TMEM45A: variants seen among roughly 807,000 people sequenced by gnomAD.
TMEM45A encodes the protein transmembrane protein 45A, also known as DNA polymerase-transactivated protein 4.
In TMEM45A, 25 loss-of-function variants were observed where a neutral mutation model predicts 32.0. That is an observed-to-expected ratio of 0.78 (90% CI 0.57 to 1.09). TMEM45A has a LOEUF of 1.09. Among genes scored for constraint, TMEM45A ranks in the 50% least tolerant of loss-of-function variants. The probability of loss-of-function intolerance (pLI) is 0.00; values close to 1 mark genes in which losing one functional copy is unlikely to be tolerated. For missense variants in TMEM45A, 302 were observed against 325.0 expected, an observed-to-expected ratio of 0.93 and a Z score of 0.54; for synonymous variants, 122 against 114.8, an observed-to-expected ratio of 1.06 and a Z score of -0.40.
chr3:100,551,961 A>G (rs1430839723), intron 1 of TMEM45A, among the ~76,000 whole-genome samples: 1 of 151,982 alleles, frequency 6.6e-6, no homozygotes, highest in East Asian at 1.9e-4. Flanking sequence ...GCTGAGATAT[A>G]CTGATCCTCT....
chr3:100,551,099 C>T (rs1243514048), intron 1 of TMEM45A, among the ~76,000 whole-genome samples: 1 of 150,740 alleles, frequency 6.6e-6, no homozygotes, highest in East Asian at 2.0e-4. Context: ...CTGCAAGCTC[C>T]GCCTCCCGGG....
At position 100,570,635 on chromosome 3, in the gene TMEM45A, G is replaced by A. The variant is rs1706538747; in HGVS notation, c.734+1668G>A. On this transcript the variant is annotated intron_variant, in intron 5 of 5. Transcript: ENST00000323523. ...CTGACTTCTGGGCCTCATCTCCTTA[G>A]GGGCTGGAAAGCCTTCAAGATCAGT... The A allele has an allele frequency of 2.0e-5, 3 of 152,224 alleles. No individual in the cohort carries two copies. The South Asian group carries it at 6.2e-4, about 32-fold the overall frequency. The allele number at this position is 152,224 out of a possible 1,614,324, so 9.4% of individuals were successfully genotyped here.
At chr3:100,550,741 A>C (rs1265574890) in intron 1 of TMEM45A, among the ~76,000 whole-genome samples, 1 of 152,148 alleles carries the variant, frequency 6.6e-6, no homozygotes, top group Non-Finnish European at 1.5e-5. Context: ...GGCTCTGCCC[A>C]ATATTATCTC....
At chr3:100,542,393 T>C (rs1223776136) in intron 1 of TMEM45A, among the ~76,000 whole-genome samples, 1 of 152,176 alleles carries the variant, frequency 6.6e-6, no homozygotes, top group Admixed American at 6.5e-5. Context: ...GATGTTGGCT[T>C]TGGGAAAGGA....
intron 4 of TMEM45A, among the ~76,000 whole-genome samples, chr3:100,566,085 A>T (rs559552062): frequency 1.1e-4 from 16 of 152,236 alleles, no homozygotes; most frequent in Non-Finnish European, 2.4e-4. Context: ...AGTTTCATCC[A>T]TGTTGTTGCA....
intron 3 of TMEM45A, among the ~76,000 whole-genome samples, chr3:100,557,325 C>T (rs1272446297): frequency 6.6e-6 from 1 of 152,060 alleles, no homozygotes; most frequent in East Asian, 1.9e-4. Flanking sequence ...AGCATGAATA[C>T]ACTAAAATGA....
intron 1 of TMEM45A, among the ~76,000 whole-genome samples, chr3:100,550,216 A>T (rs1326066211): frequency 1.9e-5 from 1 of 53,720 alleles, no homozygotes; most frequent in African/African-American, 6.4e-5. Context: ...AAGAAAAAAA[A>T]ATAAATCCTT....
intron 5 of TMEM45A, chr3:100,573,144 A>C (rs1706606101): frequency 6.6e-6 from 1 of 151,788 alleles, no homozygotes; most frequent in Non-Finnish European, 1.5e-5. Context: ...GAAGAAAGTC[A>C]TTGGTAGCTT....
At chr3:100,514,162 T>C (rs973285640) in intron 1 of TMEM45A, among the ~76,000 whole-genome samples, 2,891 of 152,156 alleles carry the variant, frequency 0.019, 85 homozygotes, top group African/African-American at 0.065. Flanking sequence ...GAGCCCGCAT[T>C]GCCAAGTCAA....
At chr3:100,569,029 G>C in intron 5 of TMEM45A, 62 bp downstream of exon 5, 1 of 1,503,454 alleles carries the variant, frequency 6.7e-7, no homozygotes, top group East Asian at 2.3e-5. Flanking sequence ...TCAAGACTCA[G>C]TGGTATTGAA....
intron 5 of TMEM45A, chr3:100,570,778 A>T (rs1706541382): frequency 6.6e-6 from 1 of 152,176 alleles, no homozygotes; most frequent in African/African-American, 2.4e-5. Flanking sequence ...TTATCCACTT[A>T]TAGTACTCTG....
chr3:100,573,123 T>C (rs554517573), intron 5 of TMEM45A: 1 of 151,790 alleles, frequency 6.6e-6, no homozygotes, highest in South Asian at 2.1e-4. Context: ...AGCAGTTTTT[T>C]CCAATTCTGT....
rs190453263 is a variant in TMEM45A at position 100,505,993 on chromosome 3, A to C, written c.-4+13065A>C. On this transcript the variant is annotated intron_variant, in intron 1 of 5. Transcript: ENST00000323523. ...GAATGAGAGAGCTGCATGGAGAGAG[A>C]GGACCCCGATAACTGCAGAGGGGGC... Among the ~76,000 whole-genome samples the C allele has an allele frequency of 2.6e-5, 4 of 152,308 alleles. No homozygotes were observed. In the East Asian group the frequency reaches 5.8e-4, roughly 22 times the overall value.
chr3:100,500,865 C>T (rs1387878676), intron 1 of TMEM45A, among the ~76,000 whole-genome samples: 1 of 152,226 alleles, frequency 6.6e-6, no homozygotes, highest in East Asian at 1.9e-4. Flanking sequence ...GCACCTTTCT[C>T]CAGAATTCCT....
At position 100,577,090 on chromosome 3, in the gene TMEM45A, C is replaced by CT. The variant is rs1447166791; in HGVS notation, c.*76dup. On this transcript the variant is annotated 3_prime_UTR_variant, in exon 6 of 6. Coordinates refer to ENST00000323523, the MANE Select transcript of TMEM45A (RefSeq NM_018004.3). The stretch of plus-strand genomic sequence containing the variant: ...ATTGTTCTTGGTTTTGTTTCTCGAT[C>CT]TTTTGTTTGGAGAACAGCTGGCTAA... 1 of 1,321,084 alleles carries CT rather than the reference C, an allele frequency of 7.6e-7. No homozygotes were observed. The highest frequency in any genetic ancestry group is 1.5e-5 in the African/African-American group (1 of 67,892). 81.8% of individuals were successfully genotyped at this position (1,321,084 alleles called of 1,614,324 possible).
chr3:100,574,619 A>G lies in TMEM45A; in HGVS notation c.735-2306A>G, dbSNP rs148384003. On this transcript the variant is annotated intron_variant, in intron 5 of 5. Coordinates refer to ENST00000323523, the MANE Select transcript of TMEM45A (RefSeq NM_018004.3). ...GTCGTCTTCACCATGCATTTTAACA[A>G]TTGGGATCTCTCCTGTGATGTTCAC... The G allele has an allele frequency of 1.3e-3, 204 of 152,320 alleles. No individual in the cohort carries two copies. The Middle Eastern group carries it at 0.017, about 13-fold the overall frequency. 9.4% of individuals were successfully genotyped at this position (152,320 alleles called of 1,614,324 possible). A position where few individuals can be genotyped will look rare whatever the true frequency, so the allele number is the denominator to read the frequency against.
intron 1 of TMEM45A, among the ~76,000 whole-genome samples, chr3:100,508,086 A>T (rs939133446): frequency 1.3e-5 from 2 of 151,612 alleles, no homozygotes; most frequent in African/African-American, 2.4e-5. Context: ...GCCAGGAGAG[A>T]CTCCTCAGTG....
chr3:100,503,521 C>T (rs1017635882), intron 1 of TMEM45A, among the ~76,000 whole-genome samples: 1 of 152,164 alleles, frequency 6.6e-6, no homozygotes, highest in African/African-American at 2.4e-5. Flanking sequence ...ATAAATTAAG[C>T]CTCATTTTCC....
At chr3:100,530,211 C>T (rs957447480) in intron 1 of TMEM45A, among the ~76,000 whole-genome samples, 2 of 152,114 alleles carry the variant, frequency 1.3e-5, no homozygotes, top group Non-Finnish European at 2.9e-5. Flanking sequence ...AGAGACATAA[C>T]CAAAAGGTTG....
Sources: gnomAD v4.1 joint callset for allele counts (sites outside exome capture counted in the v4.1 genomes callset) on GRCh38, gnomAD v4.1.1 for gene constraint, MANE v1.5 for transcripts, NCBI Gene and HGNC (gene_info 2026-07-23, HGNC 2026-07-21) for gene names.